FAR2: variants seen among roughly 807,000 people sequenced by gnomAD.
The protein encoded by FAR2 is epididymis secretory protein Li 81.
Under a neutral mutation model 56.0 loss-of-function variants are expected in FAR2, and 19 were observed. That is an observed-to-expected ratio of 0.34 (90% confidence interval 0.24 to 0.50). The LOEUF is 0.50. Among genes scored for constraint, FAR2 ranks in the 20% least tolerant of loss-of-function variants. The probability of loss-of-function intolerance (pLI) is 0.98; values close to 1 mark genes in which losing one functional copy is unlikely to be tolerated. For synonymous variants in FAR2, 219 were observed against 218.8 expected (o/e 1.00, Z -0.01); for missense variants, 508 against 642.2 (o/e 0.79, Z 2.26).
intron 1 of FAR2, among the ~76,000 whole-genome samples, chr12:29,240,207 C>A (rs1948005456): frequency 6.6e-6 from 1 of 152,178 alleles, no homozygotes; most frequent in Admixed American, 6.5e-5. Flanking sequence ...TTGGAGTCAA[C>A]CTTCCCTTTA....
chr12:29,195,420 C>G (rs2136610952), intron 1 of FAR2, among the ~76,000 whole-genome samples: 1 of 152,240 alleles, frequency 6.6e-6, no homozygotes, highest in East Asian at 1.9e-4. Context: ...TCTTCCATGT[C>G]ACCATTTAAA....
At chr12:29,290,329 C>A (rs1326255331) in intron 2 of FAR2, among the ~76,000 whole-genome samples, 1 of 152,038 alleles carries the variant, frequency 6.6e-6, no homozygotes, top group Non-Finnish European at 1.5e-5. Flanking sequence ...ACTTGTAATC[C>A]CAGCTACTCA....
At chr12:29,237,920 G>A (rs182700469) in intron 1 of FAR2, among the ~76,000 whole-genome samples, 3 of 152,148 alleles carry the variant, frequency 2.0e-5, no homozygotes, top group East Asian at 1.9e-4. Flanking sequence ...GTCAATATTC[G>A]GAAGAGCTGC....
rs182646591 is a variant in FAR2, at chr12:29,253,843, C to T, written c.-38-16569C>T. On this transcript the variant is annotated intron_variant, in intron 1 of 11. Transcript: ENST00000536681. ...AGGATGTTTAGACATTCATTGGCTA[C>T]GCTTAACATAGTGTGTAGCACATAG... is the stretch of plus-strand genomic sequence containing the variant. 4.1e-3 allele frequency among the ~76,000 whole-genome samples: 627 copies of T among 152,296 alleles called. 5 individuals are homozygous for T. The highest frequency in any genetic ancestry group is 6.3e-3 in the Non-Finnish European group (429 of 68,022).
chr12:29,162,856 T>C lies in FAR2; in HGVS notation c.-39+13449T>C, dbSNP rs538876238. The stretch of plus-strand genomic sequence containing the variant: ...ATTGAAGGCAGAAAGATTAGCTAGG[T>C]GGCCATTCATTCTTTGACGCATTCA... On this transcript the variant is annotated intron_variant, in intron 1 of 11. Coordinates refer to ENST00000536681, the MANE Select transcript of FAR2 (RefSeq NM_001271783.2). 3.9e-5 allele frequency among the ~76,000 whole-genome samples: 6 copies of C among 152,340 alleles called. No individual in the cohort carries two copies. The South Asian group carries it at 1.2e-3, about 32-fold the overall frequency.
At chr12:29,235,869 C>G (rs1947933667) in intron 1 of FAR2, among the ~76,000 whole-genome samples, 1 of 152,020 alleles carries the variant, frequency 6.6e-6, no homozygotes, top group East Asian at 1.9e-4. Flanking sequence ...TCAGTAAACT[C>G]TAGGTTGAAT....
rs957105281 is a variant in FAR2 at position 29,322,031 on chromosome 12, C to T, written c.1257+107C>T. 26 of 1,309,330 alleles carry T rather than the reference C, an allele frequency of 2.0e-5. No homozygotes were observed. In the African/African-American group the frequency reaches 3.0e-4, roughly 15 times the overall value. 81.1% of individuals were successfully genotyped at this position (1,309,330 alleles called of 1,614,324 possible). A position where few individuals can be genotyped will look rare whatever the true frequency, so the allele number is the denominator to read the frequency against. Reference sequence around the variant, plus strand: ...TGAATAAGACGTTTGGTTATAGACACAGATTTTGTTTTGCTTTGTTTTTCT... The same window carrying T: ...TGAATAAGACGTTTGGTTATAGACATAGATTTTGTTTTGCTTTGTTTTTCT... On this transcript the variant is annotated intron_variant, in intron 10 of 11. Transcript: ENST00000536681.
chr12:29,330,510 G>A (rs1949716437), intron 10 of FAR2, among the ~76,000 whole-genome samples: 1 of 152,118 alleles, frequency 6.6e-6, no homozygotes, highest in Admixed American at 6.6e-5. Context: ...ATAATATTTA[G>A]TTACTTTCCT....
intron 1 of FAR2, among the ~76,000 whole-genome samples, chr12:29,196,462 T>C (rs956126082): frequency 6.6e-5 from 10 of 152,202 alleles, no homozygotes; most frequent in Non-Finnish European, 1.2e-4. Flanking sequence ...TTTTTTCATA[T>C]GCTTGTTGGC....
rs530472240 is a variant in FAR2, at chr12:29,333,310, T to C, written c.1386-322T>C. Reference sequence around the variant, plus strand: ...GCCAAGAACTTTAGAATTTACCTTCTAATGAACAAGAACCAGTGAAGATTT... The same window carrying C: ...GCCAAGAACTTTAGAATTTACCTTCCAATGAACAAGAACCAGTGAAGATTT... On this transcript the variant is annotated intron_variant, in intron 11 of 11. Transcript: ENST00000536681. 1.9e-4 allele frequency: 51 copies of C among 269,678 alleles called. 1 individual carries two copies. The South Asian group carries it at 2.9e-3, about 15-fold the overall frequency. 16.7% of individuals were successfully genotyped at this position (269,678 alleles called of 1,614,324 possible). A position where few individuals can be genotyped will look rare whatever the true frequency, so the allele number is the denominator to read the frequency against.
At chr12:29,327,099 T>C (rs923438073) in intron 10 of FAR2, among the ~76,000 whole-genome samples, 3 of 152,130 alleles carry the variant, frequency 2.0e-5, no homozygotes, top group Non-Finnish European at 2.9e-5. Context: ...AGTATACCTA[T>C]ACACCAATGA....
In FAR2 at chr12:29,237,391, A is replaced by T. The variant is rs76294292; in HGVS notation, c.-38-33021A>T. Among the ~76,000 whole-genome samples the T allele has an allele frequency of 9.2e-3, 1,399 of 152,318 alleles. 19 individuals are homozygous for T. The highest frequency in any genetic ancestry group is 0.032 in the African/African-American group (1,332 of 41,570). The stretch of plus-strand genomic sequence containing the variant: ...CATGAATTGGGACAGCGGTAATTGT[A>T]TTCTTTATCAGGCACTCAGAGTTAA... On this transcript the variant is annotated intron_variant, in intron 1 of 11. Transcript: ENST00000536681.
At chr12:29,267,473 A>C (rs1474856970) in intron 1 of FAR2, among the ~76,000 whole-genome samples, 1 of 152,220 alleles carries the variant, frequency 6.6e-6, no homozygotes, top group African/African-American at 2.4e-5. Context: ...CACAGCTAAT[A>C]AGTGGTAGAA....
At chr12:29,151,122 A>G (rs2136568741) in intron 1 of FAR2, among the ~76,000 whole-genome samples, 1 of 152,318 alleles carries the variant, frequency 6.6e-6, no homozygotes, top group Non-Finnish European at 1.5e-5. Flanking sequence ...TGTTTCTGGC[A>G]ACGTCTCATC....
At chr12:29,309,352 G>A in intron 6 of FAR2, 122 bp downstream of exon 6, 1 of 717,742 alleles carries the variant, frequency 1.4e-6, no homozygotes, top group South Asian at 1.7e-5. Context: ...AATAACTGAG[G>A]CATATTATTT....
intron 1 of FAR2, among the ~76,000 whole-genome samples, chr12:29,214,067 G>C (rs1163652443): frequency 6.6e-6 from 1 of 152,154 alleles, no homozygotes; most frequent in Non-Finnish European, 1.5e-5. Context: ...GAGCACACTT[G>C]CAAATTTAAG....
intron 4 of FAR2, among the ~76,000 whole-genome samples, chr12:29,299,473 C>A (rs982360387): frequency 1.3e-5 from 2 of 152,106 alleles, no homozygotes; most frequent in African/African-American, 2.4e-5. Flanking sequence ...GATTTATGAA[C>A]AAACTGTAAC....
intron 10 of FAR2, among the ~76,000 whole-genome samples, chr12:29,326,210 T>C (rs1949643053): frequency 6.6e-6 from 1 of 152,182 alleles, no homozygotes; most frequent in Non-Finnish European, 1.5e-5. Context: ...AGGAAGAAGC[T>C]GAATCTCTGA....
chr12:29,272,633 C>G (rs1304068684), intron 2 of FAR2, among the ~76,000 whole-genome samples: 1 of 152,192 alleles, frequency 6.6e-6, no homozygotes, highest in Non-Finnish European at 1.5e-5. Flanking sequence ...CTACTTCTGT[C>G]AATTTGTCCA....
Sources: allele counts gnomAD v4.1 joint callset (sites outside exome capture counted in the v4.1 genomes callset), GRCh38; gene constraint gnomAD v4.1.1; transcripts MANE v1.5; gene names NCBI Gene and HGNC (gene_info 2026-07-23, HGNC 2026-07-21).